The following GPHN variants were observed in gnomAD, a reference collection of about 807,000 sequenced individuals.
The protein encoded by GPHN is gephyrin.
A neutral mutation model predicts 95.5 loss-of-function variants in GPHN; 17 were observed. The observed-to-expected ratio is 0.18, with a 90% CI of 0.12 to 0.27. The LOEUF (loss-of-function observed/expected upper bound fraction) is 0.27. Ranked by LOEUF, GPHN falls within the 10% of genes least tolerant of loss-of-function variation. The probability of loss-of-function intolerance (pLI) is 1.00; values close to 1 mark genes in which losing one functional copy is unlikely to be tolerated. For synonymous variants in GPHN, 320 were observed against 322.5 expected, an observed-to-expected ratio of 0.99 and a Z score of 0.08; for missense variants, 660 against 978.1, an observed-to-expected ratio of 0.67 and a Z score of 4.34.
the GPHN span, chr14:67,385,711 G>A: frequency 7.2e-6 from 1 of 137,936 alleles, no homozygotes; most frequent in Non-Finnish European, 1.5e-5. Flanking sequence ...GGCAGGTCTC[G>A]AAATCCTGGG....
chr14:66,595,806 C>T (rs776164998), intron 1 of GPHN, among the ~76,000 whole-genome samples: 19 of 152,166 alleles, frequency 1.2e-4, no homozygotes, highest in Non-Finnish European at 2.5e-4. Flanking sequence ...TTGTCACCTG[C>T]AACGTGGCAA....
At chr14:67,726,311 C>T in the GPHN span, among the ~76,000 whole-genome samples, 1 of 152,184 alleles carries the variant, frequency 6.6e-6, no homozygotes, top group Non-Finnish European at 1.5e-5. Flanking sequence ...CTGTACCTCT[C>T]CTGATCAGTC....
intron 9 of GPHN, among the ~76,000 whole-genome samples, chr14:67,005,965 T>C (rs2072577875): frequency 6.6e-6 from 1 of 151,604 alleles, no homozygotes; most frequent in Admixed American, 6.6e-5. Flanking sequence ...ACTCAAGTGT[T>C]TTGTATTTTA....
At chr14:67,416,581 C>T in the GPHN span, among the ~76,000 whole-genome samples, 1 of 152,172 alleles carries the variant, frequency 6.6e-6, no homozygotes, top group Admixed American at 6.5e-5. Flanking sequence ...CCAAGGCCAT[C>T]CAGCTAGTTG....
intron 5 of GPHN, among the ~76,000 whole-genome samples, chr14:66,915,149 T>G (rs2065843980): frequency 6.6e-6 from 1 of 152,132 alleles, no homozygotes; most frequent in Non-Finnish European, 1.5e-5. Flanking sequence ...CAGTTTTAGG[T>G]TATTTCAGAG....
At chr14:67,593,509 AAGAT>A in the GPHN span, 1,478 of 507,992 alleles carry the variant, frequency 2.9e-3, 15 homozygotes, top group South Asian at 0.012. Context: ...AAAAAGAAAA[AAGAT>A]AGAAAGAGAA....
intron 2 of GPHN, 143 bp from the exon 3 acceptor site, chr14:66,776,321 C>G: frequency 2.9e-6 from 2 of 687,092 alleles, no homozygotes; most frequent in Non-Finnish European, 5.4e-6. Flanking sequence ...AAAATATATG[C>G]ACAAAATGGT....
intron 4 of GPHN, among the ~76,000 whole-genome samples, chr14:66,832,710 T>A (rs1293078868): frequency 1.3e-5 from 2 of 152,242 alleles, no homozygotes; most frequent in East Asian, 3.9e-4. Flanking sequence ...AACCTAAAGC[T>A]AAAGTACATA....
chr14:67,083,838 G>C (rs2076786005), intron 11 of GPHN, among the ~76,000 whole-genome samples: 1 of 152,156 alleles, frequency 6.6e-6, no homozygotes, highest in African/African-American at 2.4e-5. Context: ...AAAGAAATGA[G>C]ATTAGAGATT....
the GPHN span, among the ~76,000 whole-genome samples, chr14:67,235,637 C>T: frequency 2.0e-5 from 3 of 152,074 alleles, no homozygotes; most frequent in Non-Finnish European, 2.9e-5. Flanking sequence ...ATGGCGTGAA[C>T]CCACGAGGCA....
At chr14:67,328,201 G>A in the GPHN span, among the ~76,000 whole-genome samples, 3 of 152,208 alleles carry the variant, frequency 2.0e-5, no homozygotes, top group Non-Finnish European at 4.4e-5. Context: ...GTATCTCATT[G>A]TGGTTTTGAT....
the GPHN span, among the ~76,000 whole-genome samples, chr14:67,626,690 C>T: frequency 3.3e-5 from 5 of 152,134 alleles, no homozygotes; most frequent in African/African-American, 1.2e-4. Context: ...GAACTCCTAG[C>T]CTCAAGTGAT....
chr14:67,037,549 TGATAA>T (rs2074482932), intron 10 of GPHN, among the ~76,000 whole-genome samples: 1 of 151,950 alleles, frequency 6.6e-6, no homozygotes, highest in Admixed American at 6.6e-5. Context: ...ATCATATATC[TGATAA>T]GGGGTTAATA....
At chr14:67,309,606 A>G in the GPHN span, among the ~76,000 whole-genome samples, 16 of 152,200 alleles carry the variant, frequency 1.1e-4, no homozygotes, top group East Asian at 1.5e-3. Flanking sequence ...GCAAGAGTAC[A>G]TGGAAAAGCA....
the GPHN span, among the ~76,000 whole-genome samples, chr14:67,308,551 T>TC: frequency 1.4e-5 from 2 of 147,044 alleles, no homozygotes; most frequent in African/African-American, 5.0e-5. Context: ...TTTTTCTTTT[T>TC]TTTTTTTTTT....
intron 1 of GPHN, among the ~76,000 whole-genome samples, chr14:66,675,753 T>C (rs955670975): frequency 1.4e-4 from 22 of 152,202 alleles, no homozygotes; most frequent in African/African-American, 5.1e-4. Context: ...GTCACAGGTT[T>C]AAATCTTTAA....
the GPHN span, among the ~76,000 whole-genome samples, chr14:67,285,739 T>C: frequency 6.6e-6 from 1 of 152,144 alleles, no homozygotes; most frequent in Non-Finnish European, 1.5e-5. Context: ...GTTCTAGGCA[T>C]TGGAAAGTAG....
chr14:67,596,900 C>A, the GPHN span, among the ~76,000 whole-genome samples: 1 of 152,220 alleles, frequency 6.6e-6, no homozygotes, highest in Admixed American at 6.5e-5. Flanking sequence ...ACTGAAGTCT[C>A]TTTTCCCCTA....
At chr14:66,520,517 C>T (rs370398702) in intron 1 of GPHN, among the ~76,000 whole-genome samples, 13 of 151,898 alleles carry the variant, frequency 8.6e-5, no homozygotes, top group South Asian at 4.2e-4. Context: ...ATAATGTGAT[C>T]GGGAAGAAAT....
Sources: allele counts gnomAD v4.1 joint callset (sites outside exome capture counted in the v4.1 genomes callset), GRCh38; gene constraint gnomAD v4.1.1; transcripts MANE v1.5; gene names NCBI Gene and HGNC (gene_info 2026-07-23, HGNC 2026-07-21).